FER1L6: variants seen among roughly 807,000 people sequenced by gnomAD.
FER1L6 encodes the protein fer-1 like family member 6.
Under a neutral mutation model 219.2 loss-of-function variants are expected in FER1L6, and 177 were observed. That is an observed-to-expected ratio of 0.81 (90% CI 0.71 to 0.91). The LOEUF (loss-of-function observed/expected upper bound fraction) is 0.91. Ranked by LOEUF, FER1L6 falls within the 40% of genes least tolerant of loss-of-function variation. FER1L6 has a pLI of 0.00. For missense variants in FER1L6, 2,153 were observed against 2,259.9 expected (o/e 0.95, Z 0.96); for synonymous variants, 768 against 824.3 (o/e 0.93, Z 1.17).
intron 1 of FER1L6, among the ~76,000 whole-genome samples, chr8:123,944,985 C>T (rs1814424015): frequency 6.6e-6 from 1 of 152,128 alleles, no homozygotes. Flanking sequence ...TGTATAAGTT[C>T]AATATATGGA....
chr8:124,074,160 G>A (rs1444893427), intron 31 of FER1L6, among the ~76,000 whole-genome samples: 1 of 152,020 alleles, frequency 6.6e-6, no homozygotes, highest in Non-Finnish European at 1.5e-5. Flanking sequence ...ATTTGCTTTT[G>A]ACAGTTTAAG....
At chr8:123,880,993 C>T (rs1023991243) in intron 1 of FER1L6, among the ~76,000 whole-genome samples, 1 of 152,180 alleles carries the variant, frequency 6.6e-6, no homozygotes, top group Non-Finnish European at 1.5e-5. Flanking sequence ...AACCCCAAAC[C>T]CTTCCCCTTG....
chr8:123,980,610 G>T lies in FER1L6; in HGVS notation c.1209G>T (p.Val403=). ...FRGRILVEIA[V]EILSGRAQES... ...GCAGAATCTTGGTAGAAATTGCTGT[G>T]GAAATCCTCTCAGGACGGGCACAGG... The change falls in exon 11 of 41, where the codon GTG becomes GTT. Residue 403 remains valine (V), a synonymous_variant. Transcript: ENST00000522917. 1 of 1,614,112 alleles carries T rather than the reference G, an allele frequency of 6.2e-7. No homozygotes were observed. The highest frequency in any genetic ancestry group is 8.5e-7 in the Non-Finnish European group (1 of 1,180,018).
chr8:124,093,182 AG>A (rs35855717), intron 34 of FER1L6, among the ~76,000 whole-genome samples: 1 of 151,990 alleles, frequency 6.6e-6, no homozygotes, highest in African/African-American at 2.4e-5. Flanking sequence ...GAACAGCACT[AG>A]GGGGATTGTG....
At chr8:124,088,953 T>C (rs1420648785) in intron 33 of FER1L6, among the ~76,000 whole-genome samples, 2 of 152,010 alleles carry the variant, frequency 1.3e-5, no homozygotes, top group African/African-American at 2.4e-5. Flanking sequence ...CTGTGCTGCC[T>C]GGGATTAGGG....
At chr8:124,019,827 T>C (rs1257712876) in intron 16 of FER1L6, among the ~76,000 whole-genome samples, 2 of 152,096 alleles carry the variant, frequency 1.3e-5, no homozygotes, top group Non-Finnish European at 2.9e-5. Flanking sequence ...CAAAAGGAAA[T>C]TCTAAGAAGC....
At chr8:123,858,378 T>C (rs575779666) in intron 1 of FER1L6, among the ~76,000 whole-genome samples, 1 of 152,268 alleles carries the variant, frequency 6.6e-6, no homozygotes, top group South Asian at 2.1e-4. Flanking sequence ...AGGCTGTGAG[T>C]GTTTGGAAGA....
At chr8:124,011,500 C>T (rs1160188935) in intron 14 of FER1L6, among the ~76,000 whole-genome samples, 5 of 151,936 alleles carry the variant, frequency 3.3e-5, no homozygotes, top group Non-Finnish European at 7.4e-5. Context: ...GGACCATGTA[C>T]TACCACCCCT....
Position 124,076,227 on chromosome 8 carries a change from TG to T in FER1L6, c.4124del (p.Gly1375AlafsTer8). On this transcript the variant is annotated frameshift_variant, in exon 32 of 41. Coordinates refer to ENST00000522917, the MANE Select transcript of FER1L6 (RefSeq NM_001039112.2). LOFTEE classifies it high-confidence loss of function. ...AFNLSPADPDGKSDPYIVIKL... is the reference protein window; with the variant it reads ...AFNLSPADPDXKSDPYIVIKL... ...TTAATCTTAGTCCAGCTGATCCAGA[TG>T]GCAAATCAGATCCCTACATTGTGAT... 1 of 1,614,114 alleles carries T rather than the reference TG, an allele frequency of 6.2e-7. No individual in the cohort carries two copies. Among genetic ancestry groups the T allele is most frequent in the Non-Finnish European group, 8.5e-7 (1 of 1,179,952 alleles).
chr8:124,095,516 C>T (rs1822245080), intron 35 of FER1L6, among the ~76,000 whole-genome samples: 1 of 152,128 alleles, frequency 6.6e-6, no homozygotes, highest in African/African-American at 2.4e-5. Flanking sequence ...TGGTAGGTTA[C>T]CTTAAAGAAC....
intron 1 of FER1L6, among the ~76,000 whole-genome samples, chr8:123,879,643 C>T (rs563569736): frequency 2.0e-5 from 3 of 147,358 alleles, no homozygotes; most frequent in South Asian, 4.6e-4. Context: ...TATTATTTAA[C>T]GTCACTTAAA....
intron 32 of FER1L6, among the ~76,000 whole-genome samples, chr8:124,078,164 A>C (rs1327115193): frequency 6.6e-6 from 1 of 152,060 alleles, no homozygotes; most frequent in African/African-American, 2.4e-5. Flanking sequence ...GGTGCTCAAT[A>C]TGCATTTGTG....
At chr8:124,011,763 G>A (rs1817942662) in intron 14 of FER1L6, among the ~76,000 whole-genome samples, 1 of 151,992 alleles carries the variant, frequency 6.6e-6, no homozygotes, top group African/African-American at 2.4e-5. Context: ...GGGGTGATAG[G>A]CATGAGCCAT....
At chr8:123,954,606 G>C (rs1022948231) in intron 1 of FER1L6, among the ~76,000 whole-genome samples, 23 of 152,104 alleles carry the variant, frequency 1.5e-4, no homozygotes, top group African/African-American at 4.1e-4. Flanking sequence ...TTCCAGGTAC[G>C]GTGCTAAATA....
chr8:123,970,020 C>A lies in FER1L6; in HGVS notation c.385-15C>A, dbSNP rs759080539. ...GTCTGGGGTTGATGACCAGAATGAA[C>A]TTTTTGTTTTGCAGTACTTTGTCTT... On this transcript the variant is annotated splice_polypyrimidine_tract_variant and intron_variant, in intron 5 of 40. Transcript: ENST00000522917. 19 of 1,613,006 alleles carry A rather than the reference C, an allele frequency of 1.2e-5. No individual in the cohort carries two copies. Among genetic ancestry groups the A allele is most frequent in the South Asian group, 2.2e-5 (2 of 91,064 alleles).
intron 1 of FER1L6, among the ~76,000 whole-genome samples, chr8:123,916,844 A>T (rs1163629130): frequency 6.6e-6 from 1 of 152,186 alleles, no homozygotes; most frequent in Non-Finnish European, 1.5e-5. Flanking sequence ...CTGGTTTAGC[A>T]GGAGGTCCAG....
intron 19 of FER1L6, among the ~76,000 whole-genome samples, chr8:124,039,435 T>A (rs1208321601): frequency 1.3e-5 from 2 of 152,024 alleles, no homozygotes; most frequent in Admixed American, 6.6e-5. Flanking sequence ...ATGCACACAC[T>A]CATGCCTGTA....
At chr8:124,084,509 A>G (rs916455189) in intron 33 of FER1L6, among the ~76,000 whole-genome samples, 11 of 152,152 alleles carry the variant, frequency 7.2e-5, no homozygotes, top group African/African-American at 1.9e-4. Context: ...TTAAGTGTCA[A>G]TTGAAATGAT....
intron 18 of FER1L6, 121 bp from the exon 19 acceptor site, chr8:124,035,156 T>G (rs1563756795): frequency 2.8e-5 from 29 of 1,045,800 alleles, no homozygotes; most frequent in Non-Finnish European, 3.9e-5. Flanking sequence ...GAGGAGCTCT[T>G]GAGAACTGCT....
Sources: allele counts gnomAD v4.1 joint callset (sites outside exome capture counted in the v4.1 genomes callset), GRCh38; gene constraint gnomAD v4.1.1; transcripts MANE v1.5; gene names NCBI Gene and HGNC (gene_info 2026-07-23, HGNC 2026-07-21).